CA5A: variants seen among roughly 807,000 people sequenced by gnomAD.
CA5A encodes the protein carbonic anhydrase 5A.
Under a neutral mutation model 37.1 loss-of-function variants are expected in CA5A, and 28 were observed. The ratio of observed to expected loss-of-function variants is 0.75; its 90% CI spans 0.56 to 1.03. The LOEUF (loss-of-function observed/expected upper bound fraction) is 1.03. Ranked by LOEUF, CA5A falls within the 50% of genes least tolerant of loss-of-function variation. The pLI is 0.00. For synonymous variants in CA5A, 171 were observed against 158.4 expected, an observed-to-expected ratio of 1.08 and a Z score of -0.60; for missense variants, 444 against 399.9, an observed-to-expected ratio of 1.11 and a Z score of -0.94.
At chr16:87,901,309 G>A (rs1450236044) in intron 5 of CA5A, among the ~76,000 whole-genome samples, 1 of 152,226 alleles carries the variant, frequency 6.6e-6, no homozygotes, top group Non-Finnish European at 1.5e-5. Context: ...ACGTCTTCAG[G>A]ATCTCGCCTG....
chr16:87,919,725 G>T (rs559591668), intron 2 of CA5A, among the ~76,000 whole-genome samples: 1 of 152,152 alleles, frequency 6.6e-6, no homozygotes, highest in Non-Finnish European at 1.5e-5. Flanking sequence ...GTCTTAAGAC[G>T]GCTTACTGGA....
intron 2 of CA5A, among the ~76,000 whole-genome samples, chr16:87,917,310 C>T (rs2056160008): frequency 6.6e-6 from 1 of 152,086 alleles, no homozygotes; most frequent in South Asian, 2.1e-4. Flanking sequence ...CTAATTAGTG[C>T]AGGGCTGGGC....
intron 2 of CA5A, among the ~76,000 whole-genome samples, chr16:87,916,390 G>A (rs1279535785): frequency 7.2e-5 from 11 of 151,988 alleles, no homozygotes; most frequent in Non-Finnish European, 1.3e-4. Flanking sequence ...TAGGATGCTC[G>A]TATTTTAAAA....
chr16:87,923,639 G>A, intron 2 of CA5A: 2 of 985,364 alleles, frequency 2.0e-6, no homozygotes, highest in South Asian at 4.7e-5. Context: ...AGGGCTGGGT[G>A]TCAGCTCAGG....
At chr16:87,896,652 G>A (rs56768079) in intron 5 of CA5A, among the ~76,000 whole-genome samples, 1 of 151,986 alleles carries the variant, frequency 6.6e-6, no homozygotes, top group African/African-American at 2.4e-5. Context: ...TTTATTTATT[G>A]TTTTTGAGAC....
chr16:87,894,164 T>C (rs931794647), intron 5 of CA5A, among the ~76,000 whole-genome samples: 9 of 152,130 alleles, frequency 5.9e-5, no homozygotes, highest in African/African-American at 2.2e-4. Context: ...AGTCTCACTC[T>C]GTCTTCCAGG....
Position 87,888,126 on chromosome 16 carries a change from T to C in CA5A, c.*3A>G. 2 of 1,594,924 alleles carry C rather than the reference T, an allele frequency of 1.3e-6. No homozygotes were observed. Among genetic ancestry groups the C allele is most frequent in the Non-Finnish European group, 1.7e-6 (2 of 1,168,738 alleles). On this transcript the variant is annotated 3_prime_UTR_variant, in exon 7 of 7. Transcript: ENST00000649794. ...TTCTGCTATTCATGTGGACCTAATG[T>C]CTCTAGGACCTTGTGCCCTCATTAG...
In CA5A at chr16:87,904,911, A is replaced by C. The variant is rs757499699; in HGVS notation, c.341-7T>G. The C allele has an allele frequency of 1.9e-6, 3 of 1,568,104 alleles. No homozygotes were observed. The South Asian group carries it at 3.3e-5, about 17-fold the overall frequency. Reference sequence around the variant, plus strand: ...AAGGGCCCACCACTAATTCCTGGAAATAAAGGCAGTGAGACGTGTGTGTCA... The same window carrying C: ...AAGGGCCCACCACTAATTCCTGGAACTAAAGGCAGTGAGACGTGTGTGTCA... On this transcript the variant is annotated splice_region_variant and splice_polypyrimidine_tract_variant and intron_variant, in intron 2 of 6. Coordinates refer to ENST00000649794, the MANE Select transcript of CA5A (RefSeq NM_001739.2).
rs1410126345 is a variant in CA5A, at chr16:87,903,613, C to T, written c.460-1093G>A. Among the ~76,000 whole-genome samples, 7 of 152,184 alleles carry T rather than the reference C, an allele frequency of 4.6e-5. No homozygotes were observed. The South Asian group carries it at 1.4e-3, about 32-fold the overall frequency. Reference sequence around the variant, plus strand: ...TATGATGATGACAATAGATATCACTCCCTATTTATAAAATGTCCGGAGGTC... The same window carrying T: ...TATGATGATGACAATAGATATCACTTCCTATTTATAAAATGTCCGGAGGTC... On this transcript the variant is annotated intron_variant, in intron 3 of 6. Coordinates refer to ENST00000649794, the MANE Select transcript of CA5A (RefSeq NM_001739.2).
intron 2 of CA5A, among the ~76,000 whole-genome samples, chr16:87,914,408 CAGG>C (rs1184643122): frequency 1.3e-5 from 2 of 152,218 alleles, no homozygotes; most frequent in African/African-American, 2.4e-5. Context: ...CCAAAACACT[CAGG>C]GGGTGCTAGC....
intron 2 of CA5A, among the ~76,000 whole-genome samples, chr16:87,915,121 G>A (rs780981341): frequency 1.5e-4 from 23 of 152,178 alleles, no homozygotes; most frequent in Non-Finnish European, 2.2e-4. Flanking sequence ...ACCTCGACTC[G>A]CGTTGCAGCG....
intron 6 of CA5A, among the ~76,000 whole-genome samples, chr16:87,889,583 G>A (rs1335164130): frequency 6.6e-6 from 1 of 151,882 alleles, no homozygotes; most frequent in African/African-American, 2.4e-5. Context: ...AGACCAGCCT[G>A]GCCAACATGG....
At chr16:87,930,639 C>T (rs1192501842) in intron 1 of CA5A, among the ~76,000 whole-genome samples, 1 of 151,988 alleles carries the variant, frequency 6.6e-6, no homozygotes, top group Admixed American at 6.6e-5. Context: ...GCGGTGGGGA[C>T]TGCGGCGTGG....
chr16:87,892,953 C>A (rs1383712355), intron 5 of CA5A: 2 of 916,786 alleles, frequency 2.2e-6, no homozygotes, highest in African/African-American at 1.7e-5. Context: ...GGCCTATGGG[C>A]TCCTTTTTAA....
chr16:87,917,438 A>G (rs988960580), intron 2 of CA5A, among the ~76,000 whole-genome samples: 5 of 152,218 alleles, frequency 3.3e-5, no homozygotes, highest in African/African-American at 1.2e-4. Flanking sequence ...GTACGTTTTC[A>G]TTTTTCAGTC....
intron 4 of CA5A, among the ~76,000 whole-genome samples, 186 bp from the exon 5 acceptor site, chr16:87,902,160 C>G: frequency 6.6e-6 from 1 of 151,860 alleles, no homozygotes; most frequent in East Asian, 2.0e-4. Context: ...TCGAAACCAG[C>G]CTGGCCAATA....
chr16:87,906,096 C>A (rs112703375), intron 2 of CA5A, among the ~76,000 whole-genome samples: 1,627 of 152,348 alleles, frequency 0.011, 29 homozygotes, highest in African/African-American at 0.037. Flanking sequence ...ATGGGGTACC[C>A]GTTCCACACG....
intron 6 of CA5A, among the ~76,000 whole-genome samples, chr16:87,891,204 A>T (rs2055708483): frequency 6.6e-6 from 1 of 151,662 alleles, no homozygotes; most frequent in Admixed American, 6.6e-5. Flanking sequence ...TCGGTGGCTT[A>T]TGCCTGGAAT....
intron 5 of CA5A, chr16:87,892,155 T>G: frequency 2.1e-6 from 1 of 472,630 alleles, no homozygotes; most frequent in African/African-American, 2.0e-5. Context: ...TCCTGCCAAC[T>G]TACATTGGTG....
Sources: allele counts gnomAD v4.1 joint callset (sites outside exome capture counted in the v4.1 genomes callset), GRCh38; gene constraint gnomAD v4.1.1; transcripts MANE v1.5; gene names NCBI Gene and HGNC (gene_info 2026-07-23, HGNC 2026-07-21).